Variants in CDK14 observed in about 807,000 individuals in gnomAD.
CDK14 encodes cyclin dependent kinase 14, also known as cyclin-dependent kinase 14.
A neutral mutation model predicts 60.7 loss-of-function variants in CDK14; 34 were observed. The observed-to-expected ratio is 0.56, with a 90% CI of 0.43 to 0.75. The LOEUF (loss-of-function observed/expected upper bound fraction) is 0.75, where lower values mean the gene tolerates loss of function less well. Among genes scored for constraint, CDK14 ranks in the 30% least tolerant of loss-of-function variants. The pLI is 0.00. For synonymous variants in CDK14, 197 were observed against 203.7 expected (o/e 0.97, Z 0.28); for missense variants, 482 against 564.1 (o/e 0.85, Z 1.47).
At chr7:90,869,402 G>A (rs1791295170) in intron 6 of CDK14, among the ~76,000 whole-genome samples, 1 of 152,200 alleles carries the variant, frequency 6.6e-6, no homozygotes, top group Admixed American at 6.5e-5. Flanking sequence ...CTTGCAGGGA[G>A]CTAGCAAGGA....
At chr7:90,958,295 T>C (rs1226886703) in intron 9 of CDK14, among the ~76,000 whole-genome samples, 2 of 152,128 alleles carry the variant, frequency 1.3e-5, no homozygotes, top group East Asian at 3.8e-4. Context: ...CTGCAACATT[T>C]TGTGTACATG....
intron 7 of CDK14, among the ~76,000 whole-genome samples, chr7:90,907,600 C>T (rs1013476529): frequency 2.0e-5 from 3 of 151,998 alleles, no homozygotes; most frequent in African/African-American, 7.2e-5. Context: ...AGGTTCCCTG[C>T]AAAAACACAT....
At chr7:91,183,499 C>T (rs1457872659) in intron 14 of CDK14, among the ~76,000 whole-genome samples, 1 of 152,122 alleles carries the variant, frequency 6.6e-6, no homozygotes, top group Non-Finnish European at 1.5e-5. Context: ...TCTTGATTTC[C>T]CGCCCTTTTC....
chr7:90,771,466 G>T (rs1417102879), intron 4 of CDK14, among the ~76,000 whole-genome samples: 2 of 152,220 alleles, frequency 1.3e-5, no homozygotes, highest in Non-Finnish European at 2.9e-5. Context: ...AGACACTGGA[G>T]AATGAGTAAG....
chr7:90,663,216 C>T (rs770192714), intron 2 of CDK14, among the ~76,000 whole-genome samples: 3 of 152,134 alleles, frequency 2.0e-5, no homozygotes, highest in Non-Finnish European at 4.4e-5. Context: ...AAAAATTACA[C>T]TTCACTTCAT....
chr7:91,014,118 G>C (rs1158936854), intron 10 of CDK14, among the ~76,000 whole-genome samples: 8 of 151,944 alleles, frequency 5.3e-5, no homozygotes, highest in Admixed American at 5.3e-4. Context: ...TTCACATTCA[G>C]TTTATCATAA....
At chr7:90,907,810 G>C (rs1428258619) in intron 7 of CDK14, among the ~76,000 whole-genome samples, 1 of 152,080 alleles carries the variant, frequency 6.6e-6, no homozygotes, top group Non-Finnish European at 1.5e-5. Context: ...GAACAAGCAG[G>C]TGTATAACAG....
chr7:90,691,620 G>C (rs1327341347), intron 2 of CDK14, among the ~76,000 whole-genome samples: 1 of 152,146 alleles, frequency 6.6e-6, no homozygotes, highest in East Asian at 1.9e-4. Context: ...TTTTCAGGCA[G>C]AGTGAAGTGA....
chr7:91,131,213 A>AT (rs1800106407), intron 14 of CDK14, among the ~76,000 whole-genome samples: 1 of 151,900 alleles, frequency 6.6e-6, no homozygotes, highest in Admixed American at 6.6e-5. Context: ...TATTAACTTT[A>AT]TTTTTTATGA....
Position 90,596,626 on chromosome 7 carries a change from A to G in CDK14, c.-2A>G. ...AAGTTGTCGGGGCTCCGCGTCGCCC[A>G]GATGTGTGACCTCATTGAGCCGCAG... On this transcript the variant is annotated 5_prime_UTR_variant, in exon 1 of 15. Transcript: ENST00000380050. 1 of 1,608,762 alleles carries G rather than the reference A, an allele frequency of 6.2e-7. No individual in the cohort carries two copies. The highest frequency in any genetic ancestry group is 1.7e-4 in the Middle Eastern group (1 of 6,042).
At chr7:90,930,113 G>A (rs1423848629) in intron 8 of CDK14, among the ~76,000 whole-genome samples, 1 of 151,764 alleles carries the variant, frequency 6.6e-6, no homozygotes, top group Non-Finnish European at 1.5e-5. Flanking sequence ...GGACATTTTG[G>A]TAGTGTTTTT....
In CDK14 at chr7:91,173,477, T is replaced by A. The variant is rs553001262; in HGVS notation, c.*29-33688T>A. ...GCCAAGATGGCCGAATAGGAACAGC[T>A]CCGGTCTATAGCTCCCAGCCTAAGC... On this transcript the variant is annotated intron_variant, in intron 14 of 14. Coordinates refer to ENST00000380050, the MANE Select transcript of CDK14 (RefSeq NM_001287135.2). Among the ~76,000 whole-genome samples, 127 of 151,042 alleles carry A rather than the reference T, an allele frequency of 8.4e-4. No homozygotes were observed. The Middle Eastern group carries it at 0.011, about 13-fold the overall frequency.
At chr7:90,780,118 C>T (rs1805245833) in intron 4 of CDK14, among the ~76,000 whole-genome samples, 1 of 152,136 alleles carries the variant, frequency 6.6e-6, no homozygotes, top group Non-Finnish European at 1.5e-5. Context: ...CAGAATCTAA[C>T]TGTTGATAAT....
intron 3 of CDK14, among the ~76,000 whole-genome samples, chr7:90,736,263 A>G (rs1244722883): frequency 2.9e-5 from 4 of 139,500 alleles, no homozygotes; most frequent in African/African-American, 1.1e-4. Context: ...AGCTGTTCCT[A>G]TTTGGCCATC....
At chr7:90,617,901 TAC>T (rs1470860682) in intron 2 of CDK14, among the ~76,000 whole-genome samples, 3 of 152,208 alleles carry the variant, frequency 2.0e-5, no homozygotes, top group Non-Finnish European at 4.4e-5. Context: ...CCTTGTGATA[TAC>T]AGACTGGTTT....
chr7:90,784,850 T>C (rs1805505981), intron 4 of CDK14, among the ~76,000 whole-genome samples: 1 of 152,220 alleles, frequency 6.6e-6, no homozygotes. Context: ...GAAATATGTA[T>C]GTAATACAGT....
At chr7:91,114,664 A>G (rs561562460) in intron 13 of CDK14, among the ~76,000 whole-genome samples, 10 of 152,196 alleles carry the variant, frequency 6.6e-5, no homozygotes, top group Admixed American at 1.3e-4. Flanking sequence ...ATGAAAAATC[A>G]TTATATTTTT....
In CDK14 at chr7:90,790,561, C is replaced by A. The variant is rs1805790111; in HGVS notation, c.465-12C>A. 2 of 1,592,450 alleles carry A rather than the reference C, an allele frequency of 1.3e-6. No homozygotes were observed. The highest frequency in any genetic ancestry group is 1.7e-6 in the Non-Finnish European group (2 of 1,164,088). The stretch of plus-strand genomic sequence containing the variant: ...TATTTTTATGAATTCACTTATCTTT[C>A]ATTTCTCACAGGGTAAATGGGAAGT... On this transcript the variant is annotated splice_polypyrimidine_tract_variant and intron_variant, in intron 4 of 14. Coordinates refer to ENST00000380050, the MANE Select transcript of CDK14 (RefSeq NM_001287135.2).
chr7:90,656,520 C>T (rs1246205828), intron 2 of CDK14, among the ~76,000 whole-genome samples: 2 of 152,012 alleles, frequency 1.3e-5, no homozygotes, highest in East Asian at 3.9e-4. Context: ...GCTGGGACTA[C>T]AGGCACGTGC....
Sources: gnomAD v4.1 joint callset for allele counts (sites outside exome capture counted in the v4.1 genomes callset) on GRCh38, gnomAD v4.1.1 for gene constraint, MANE v1.5 for transcripts, NCBI Gene and HGNC (gene_info 2026-07-23, HGNC 2026-07-21) for gene names.